Variants in VPS13A observed in about 807,000 individuals in gnomAD.
The protein encoded by VPS13A is vacuolar protein sorting 13 homolog A, also known as intermembrane lipid transfer protein VPS13A.
VPS13A carries 264 observed loss-of-function variants against 390.9 expected under a neutral mutation model. The ratio of observed to expected loss-of-function variants is 0.68; its 90% CI spans 0.61 to 0.75. The LOEUF is 0.75. Among genes scored for constraint, VPS13A ranks in the 30% least tolerant of loss-of-function variants. The pLI, the probability that VPS13A is intolerant of heterozygous loss-of-function variation, is 0.00. For synonymous variants in VPS13A, 1,231 were observed against 1,227.1 expected (o/e 1.00, Z -0.07); for missense variants, 3,409 against 3,733.9 (o/e 0.91, Z 2.27).
intron 45 of VPS13A, among the ~76,000 whole-genome samples, chr9:77,331,725 T>C (rs1830285156): frequency 6.6e-6 from 1 of 152,020 alleles, no homozygotes; most frequent in African/African-American, 2.4e-5. Flanking sequence ...CAAAAACTTA[T>C]CTTTAAACAA....
chr9:77,300,422 T>A (rs1188857704), intron 33 of VPS13A, among the ~76,000 whole-genome samples: 1 of 152,184 alleles, frequency 6.6e-6, no homozygotes, highest in Non-Finnish European at 1.5e-5. Flanking sequence ...GAAATAATTT[T>A]AAAATAATTG....
At chr9:77,389,297 T>C (rs4012460) in intron 68 of VPS13A, among the ~76,000 whole-genome samples, 86,558 of 150,664 alleles carry the variant, frequency 0.57, 25,330 homozygotes, top group African/African-American at 0.69. Flanking sequence ...ACATAAAGAG[T>C]AAGCAGAACT....
Position 77,227,372 on chromosome 9 carries a change from A to G in VPS13A, c.1358-19A>G, listed in dbSNP as rs764121339. 27 of 1,552,900 alleles carry G rather than the reference A, an allele frequency of 1.7e-5. No homozygotes were observed. Among genetic ancestry groups the G allele is most frequent in the Non-Finnish European group, 2.4e-5 (27 of 1,125,458 alleles). The stretch of plus-strand genomic sequence containing the variant: ...TTGTTTTTATTTAAGAACATAAAGC[A>G]CTTCTTTCTGATTTGTAGCTCTTGA... On this transcript the variant is annotated intron_variant, in intron 15 of 71. Coordinates refer to ENST00000360280, the MANE Select transcript of VPS13A (RefSeq NM_033305.3).
chr9:77,246,540 A>G (rs925050076), intron 19 of VPS13A, among the ~76,000 whole-genome samples: 1 of 151,984 alleles, frequency 6.6e-6, no homozygotes, highest in African/African-American at 2.4e-5. Context: ...TTTTAAGTCA[A>G]ATATCTTTCA....
At chr9:77,260,505 G>A (rs1392982401) in intron 23 of VPS13A, among the ~76,000 whole-genome samples, 2 of 151,632 alleles carry the variant, frequency 1.3e-5, no homozygotes, top group East Asian at 1.9e-4. Context: ...ACAGGCGCCC[G>A]CCACCACGCC....
chr9:77,381,612 A>G (rs762615478), intron 67 of VPS13A, among the ~76,000 whole-genome samples: 3 of 152,272 alleles, frequency 2.0e-5, no homozygotes, highest in East Asian at 1.9e-4. Flanking sequence ...GCTGATAACT[A>G]TACTTCACAG....
At chr9:77,215,819 C>T (rs1282491271) in intron 10 of VPS13A, among the ~76,000 whole-genome samples, 2 of 152,220 alleles carry the variant, frequency 1.3e-5, no homozygotes, top group African/African-American at 4.8e-5. Context: ...GTTGGTACTT[C>T]ACTCTCTGGA....
At chr9:77,252,626 A>G (rs1221792654) in intron 22 of VPS13A, among the ~76,000 whole-genome samples, 1 of 152,160 alleles carries the variant, frequency 6.6e-6, no homozygotes, top group Non-Finnish European at 1.5e-5. Context: ...TCTGTACTCA[A>G]TTAAACAATA....
intron 47 of VPS13A, 103 bp downstream of exon 47, chr9:77,337,640 A>C: frequency 8.5e-7 from 1 of 1,171,594 alleles, no homozygotes; most frequent in Non-Finnish European, 1.2e-6. Flanking sequence ...AATAAAAATT[A>C]GAATACTAGT....
intron 17 of VPS13A, among the ~76,000 whole-genome samples, chr9:77,233,057 A>G (rs1823928088): frequency 6.6e-6 from 1 of 152,188 alleles, no homozygotes; most frequent in Non-Finnish European, 1.5e-5. Flanking sequence ...AGGTTACAGT[A>G]AAGTTTACTA....
At chr9:77,223,684 G>T (rs1420261227) in intron 13 of VPS13A, among the ~76,000 whole-genome samples, 1 of 150,814 alleles carries the variant, frequency 6.6e-6, no homozygotes, top group Admixed American at 6.7e-5. Context: ...GCAGAGATTG[G>T]TTCTTGAAGT....
intron 17 of VPS13A, among the ~76,000 whole-genome samples, chr9:77,237,071 G>GTAAA (rs1298159867): frequency 6.6e-6 from 1 of 151,916 alleles, no homozygotes; most frequent in East Asian, 1.9e-4. Context: ...TGTATTTTTA[G>GTAAA]TAAAGACAGA....
intron 31 of VPS13A, among the ~76,000 whole-genome samples, chr9:77,289,784 C>CTT (rs558593582): frequency 0.015 from 2,114 of 141,616 alleles, 39 homozygotes; most frequent in African/African-American, 0.035. Context: ...TTTCTCATTT[C>CTT]TTTTTTTTTT....
chr9:77,198,882 C>T (rs763270913), intron 1 of VPS13A, among the ~76,000 whole-genome samples: 5 of 152,088 alleles, frequency 3.3e-5, no homozygotes, highest in Non-Finnish European at 7.4e-5. Flanking sequence ...AGGCTGGTCT[C>T]GAACTGCTGA....
At position 77,418,306 on chromosome 9, in the gene VPS13A, A is replaced by G. The variant is rs890100415; in HGVS notation, c.*2300A>G. The G allele has an allele frequency of 2.0e-5, 3 of 152,098 alleles. No individual in the cohort carries two copies. The highest frequency in any genetic ancestry group is 7.2e-5 in the African/African-American group (3 of 41,440). 9.4% of individuals were successfully genotyped at this position (152,098 alleles called of 1,614,324 possible). ...TCCATGTATTATTTGCTAACTAACT[A>G]TATTACTAGGCCCTTAATTCCAGCA... On this transcript the variant is annotated 3_prime_UTR_variant, in exon 72 of 72. Transcript: ENST00000360280.
chr9:77,235,229 G>A (rs1824076824), intron 17 of VPS13A, among the ~76,000 whole-genome samples: 1 of 152,124 alleles, frequency 6.6e-6, no homozygotes, highest in Non-Finnish European at 1.5e-5. Context: ...TGTAGGGCAG[G>A]TCTACTAATG....
intron 17 of VPS13A, among the ~76,000 whole-genome samples, chr9:77,234,857 A>T (rs1178818968): frequency 6.6e-6 from 1 of 152,144 alleles, no homozygotes; most frequent in Non-Finnish European, 1.5e-5. Context: ...CTATATAGGG[A>T]TTACAATTAA....
intron 21 of VPS13A, 79 bp from the exon 22 acceptor site, chr9:77,252,156 G>A: frequency 8.8e-7 from 1 of 1,141,074 alleles, no homozygotes; most frequent in South Asian, 1.2e-5. Flanking sequence ...AATGGAATGT[G>A]TGACTATGAA....
At chr9:77,380,770 T>C (rs961727616) in intron 67 of VPS13A, among the ~76,000 whole-genome samples, 5 of 152,252 alleles carry the variant, frequency 3.3e-5, no homozygotes, top group African/African-American at 1.2e-4. Context: ...GATGGAACTG[T>C]TCCACCTCAG....
Sources: allele counts gnomAD v4.1 joint callset (sites outside exome capture counted in the v4.1 genomes callset), GRCh38; gene constraint gnomAD v4.1.1; transcripts MANE v1.5; gene names NCBI Gene and HGNC (gene_info 2026-07-23, HGNC 2026-07-21).